The following RNF115 variants were observed in gnomAD, a reference collection of about 807,000 sequenced individuals.
RNF115 encodes E3 ubiquitin-protein ligase RNF115.
Under a neutral mutation model 39.2 loss-of-function variants are expected in RNF115, and 31 were observed. That is an observed-to-expected ratio of 0.79 (90% confidence interval 0.59 to 1.07). The LOEUF is 1.07. Among genes scored for constraint, RNF115 ranks in the 50% least tolerant of loss-of-function variants. RNF115 has a pLI of 0.00. For synonymous variants in RNF115, 124 were observed against 131.0 expected (o/e 0.95, Z 0.37); for missense variants, 384 against 381.7 (o/e 1.01, Z -0.05).
chr1:145,750,588 C>T, intron 6 of RNF115, 88 bp from the exon 7 acceptor site: 2 of 967,432 alleles, frequency 2.1e-6, no homozygotes, highest in South Asian at 1.4e-5. Context: ...ACAAACAGTG[C>T]AGACATTAGG....
chr1:145,768,706 A>G (rs148834850), intron 4 of RNF115, among the ~76,000 whole-genome samples: 480 of 152,330 alleles, frequency 3.2e-3, no homozygotes, highest in African/African-American at 0.011. Flanking sequence ...GAATGCCCAT[A>G]TGCTCCTTCT....
At chr1:145,794,502 CTTT>C (rs57242475) in intron 1 of RNF115, among the ~76,000 whole-genome samples, 9 of 81,116 alleles carry the variant, frequency 1.1e-4, no homozygotes, top group Non-Finnish European at 1.6e-4. Context: ...TAATCTCTTT[CTTT>C]TTTTTTTTTT....
At chr1:145,819,496 T>TG (rs1650140468) in intron 1 of RNF115, among the ~76,000 whole-genome samples, 1 of 151,888 alleles carries the variant, frequency 6.6e-6, no homozygotes, top group African/African-American at 2.4e-5. Context: ...GAAAAGGCCC[T>TG]GGACCAGACG....
At chr1:145,761,548 T>C (rs1553713846) in intron 4 of RNF115, among the ~76,000 whole-genome samples, 1 of 152,208 alleles carries the variant, frequency 6.6e-6, no homozygotes, top group East Asian at 1.9e-4. Flanking sequence ...GTGCTGAGCC[T>C]GCGAGTGCAC....
chr1:145,769,495 T>C, intron 4 of RNF115, among the ~76,000 whole-genome samples: 1 of 151,980 alleles, frequency 6.6e-6, no homozygotes, highest in East Asian at 1.9e-4. Flanking sequence ...CAGAGATAAA[T>C]AAAACACTAC....
chr1:145,759,695 T>G (rs1269456976), intron 4 of RNF115, among the ~76,000 whole-genome samples: 3 of 152,204 alleles, frequency 2.0e-5, no homozygotes, highest in Non-Finnish European at 4.4e-5. Flanking sequence ...AGCAATCATT[T>G]CAAGATATAA....
At chr1:145,768,992 A>C (rs1463792144) in intron 4 of RNF115, among the ~76,000 whole-genome samples, 4 of 152,226 alleles carry the variant, frequency 2.6e-5, no homozygotes, top group Non-Finnish European at 5.9e-5. Flanking sequence ...TTACTGATAT[A>C]CTGGTGCCTT....
chr1:145,757,949 T>C (rs1190252212), intron 4 of RNF115, among the ~76,000 whole-genome samples: 2 of 152,338 alleles, frequency 1.3e-5, no homozygotes, highest in East Asian at 1.9e-4. Flanking sequence ...GCTGATGCTA[T>C]AGAAGAAGGA....
rs1274733476 is a variant in RNF115 at position 145,743,234 on chromosome 1, G to A, written c.*3632C>T. 4 of 152,180 alleles carry A rather than the reference G, an allele frequency of 2.6e-5. No individual in the cohort carries two copies. Among genetic ancestry groups the A allele is most frequent in the African/African-American group, 9.7e-5 (4 of 41,420 alleles). The allele number at this position is 152,180 out of a possible 1,614,324, so 9.4% of individuals were successfully genotyped here. A position where few individuals can be genotyped will look rare whatever the true frequency, so the allele number is the denominator to read the frequency against. ...AATACAGCACATGGCCCTCCCTAAT[G>A]TAAGTGGCCCTCATCCAATCAGTTG... On this transcript the variant is annotated 3_prime_UTR_variant, in exon 9 of 9. Transcript: ENST00000582693.
At chr1:145,812,063 T>C (rs1168823436) in intron 1 of RNF115, among the ~76,000 whole-genome samples, 1 of 144,856 alleles carries the variant, frequency 6.9e-6, no homozygotes, top group Non-Finnish European at 1.5e-5. Flanking sequence ...GGCTAGAAGA[T>C]CAGCATCACT....
At chr1:145,764,610 C>T (rs1447410770) in intron 4 of RNF115, among the ~76,000 whole-genome samples, 7 of 151,654 alleles carry the variant, frequency 4.6e-5, no homozygotes, top group Admixed American at 1.3e-4. Flanking sequence ...CCGGCAGCCG[C>T]CCCGTCTGGG....
chr1:145,771,231 G>C (rs1455996110), intron 4 of RNF115, among the ~76,000 whole-genome samples: 2 of 152,190 alleles, frequency 1.3e-5, no homozygotes, highest in Non-Finnish European at 2.9e-5. Context: ...ATTAGTTATT[G>C]TTGAGTGAGT....
At chr1:145,783,232 G>T (rs1296122049) in intron 3 of RNF115, among the ~76,000 whole-genome samples, 1 of 152,076 alleles carries the variant, frequency 6.6e-6, no homozygotes, top group East Asian at 1.9e-4. Flanking sequence ...TTCAAAACAC[G>T]ATCTGTCTGG....
intron 4 of RNF115, among the ~76,000 whole-genome samples, chr1:145,764,709 G>A (rs1471875147): frequency 6.6e-6 from 1 of 151,596 alleles, no homozygotes; most frequent in African/African-American, 2.4e-5. Context: ...GGAGGGAGGT[G>A]GGGGGTCAGC....
chr1:145,788,990 A>AT (rs1553718553), intron 1 of RNF115, 24 bp from the exon 2 acceptor site: 3 of 1,504,584 alleles, frequency 2.0e-6, no homozygotes, highest in Non-Finnish European at 2.8e-6. Flanking sequence ...GAAGAAACAA[A>AT]TAAAACTTTT....
intron 1 of RNF115, among the ~76,000 whole-genome samples, chr1:145,793,598 A>G (rs1031316627): frequency 1.3e-5 from 2 of 148,702 alleles, no homozygotes; most frequent in African/African-American, 2.5e-5. Context: ...AATTACTCTT[A>G]TATGTATGCT....
chr1:145,774,039 T>C (rs1553716151), intron 3 of RNF115, among the ~76,000 whole-genome samples: 1 of 152,322 alleles, frequency 6.6e-6, no homozygotes, highest in East Asian at 1.9e-4. Flanking sequence ...CCCTTTCTTC[T>C]GGCGAAGTAT....
chr1:145,750,924 C>T (rs981391178), intron 6 of RNF115, among the ~76,000 whole-genome samples: 14 of 152,154 alleles, frequency 9.2e-5, no homozygotes, highest in Admixed American at 1.3e-4. Context: ...GCCTATAAGA[C>T]GACTGAATAT....
In RNF115 at chr1:145,771,703, C is replaced by G; in HGVS notation, c.428+8G>C. The stretch of plus-strand genomic sequence containing the variant: ...ACCTTAAAAAGAACTTAAAATAAAA[C>G]AACTCACCCTTCAATAGCTGGAGAT... On this transcript the variant is annotated splice_region_variant and intron_variant, in intron 4 of 8. Coordinates refer to ENST00000582693, the MANE Select transcript of RNF115 (RefSeq NM_014455.4). 1.2e-6 allele frequency: 2 copies of G among 1,610,030 alleles called. No individual in the cohort carries two copies. The highest frequency in any genetic ancestry group is 8.5e-7 in the Non-Finnish European group (1 of 1,177,408).
Sources: allele counts gnomAD v4.1 joint callset (sites outside exome capture counted in the v4.1 genomes callset), GRCh38; gene constraint gnomAD v4.1.1; transcripts MANE v1.5; gene names NCBI Gene and HGNC (gene_info 2026-07-23, HGNC 2026-07-21).